IREB2: variants seen among roughly 807,000 people sequenced by gnomAD.
The protein encoded by IREB2 is iron-responsive element-binding protein 2.
A neutral mutation model predicts 118.8 loss-of-function variants in IREB2; 39 were observed. The ratio of observed to expected loss-of-function variants is 0.33; its 90% CI spans 0.25 to 0.43. IREB2 has a LOEUF of 0.43. Among genes scored for constraint, IREB2 ranks in the 20% least tolerant of loss-of-function variants. IREB2 has a pLI of 1.00. For missense variants in IREB2, 900 were observed against 1,147.3 expected (o/e 0.78, Z 3.11); for synonymous variants, 372 against 392.2 (o/e 0.95, Z 0.61).
intron 16 of IREB2, among the ~76,000 whole-genome samples, chr15:78,490,096 CA>C (rs2051724112): frequency 1.3e-5 from 2 of 152,020 alleles, no homozygotes; most frequent in African/African-American, 4.8e-5. Context: ...TCATTCTGTC[CA>C]AAAACATCAT....
chr15:78,458,055 A>C (rs1263023652), intron 2 of IREB2, among the ~76,000 whole-genome samples: 1 of 152,146 alleles, frequency 6.6e-6, no homozygotes, highest in Non-Finnish European at 1.5e-5. Context: ...GATATTCTTC[A>C]CATCTCTGTT....
intron 20 of IREB2, among the ~76,000 whole-genome samples, chr15:78,496,529 T>C (rs1257413175): frequency 6.6e-6 from 1 of 152,078 alleles, no homozygotes; most frequent in Non-Finnish European, 1.5e-5. Flanking sequence ...CGGCCTCCCA[T>C]AGTGCTGGCA....
intron 12 of IREB2, 93 bp downstream of exon 12, chr15:78,485,013 G>GC: frequency 8.8e-7 from 1 of 1,139,882 alleles, no homozygotes; most frequent in South Asian, 1.6e-5. Flanking sequence ...TGATGCATGA[G>GC]TGTCTACATT....
chr15:78,466,752 C>T (rs535128746), intron 5 of IREB2, among the ~76,000 whole-genome samples: 25 of 152,124 alleles, frequency 1.6e-4, no homozygotes, highest in African/African-American at 4.1e-4. Flanking sequence ...ATCTTTTTGA[C>T]GACTGTAAGC....
chr15:78,472,124 A>G, intron 7 of IREB2, among the ~76,000 whole-genome samples, 200 bp downstream of exon 7: 1 of 152,238 alleles, frequency 6.6e-6, no homozygotes, highest in South Asian at 2.1e-4. Flanking sequence ...AGAAATTTAC[A>G]CAGTGTCTAG....
At chr15:78,490,934 G>T (rs979912835) in intron 18 of IREB2, among the ~76,000 whole-genome samples, 173 bp downstream of exon 18, 1 of 151,828 alleles carries the variant, frequency 6.6e-6, no homozygotes, top group Admixed American at 6.6e-5. Context: ...GGAGGCGGGG[G>T]GTACCTTCTG....
At chr15:78,452,171 G>A (rs757040951) in intron 2 of IREB2, among the ~76,000 whole-genome samples, 10 of 152,148 alleles carry the variant, frequency 6.6e-5, no homozygotes, top group Non-Finnish European at 1.2e-4. Context: ...ACAAAAAGAT[G>A]TAGGAGAGAG....
chr15:78,476,030 C>T (rs2051463632), intron 8 of IREB2, 158 bp from the exon 9 acceptor site: 3 of 485,320 alleles, frequency 6.2e-6, no homozygotes, highest in Non-Finnish European at 7.2e-6. Flanking sequence ...TTAAAATACC[C>T]CCAAAACCAG....
chr15:78,441,420 T>G (rs967602223), intron 2 of IREB2, among the ~76,000 whole-genome samples: 5 of 152,228 alleles, frequency 3.3e-5, no homozygotes, highest in African/African-American at 4.8e-5. Context: ...AGATTGATCG[T>G]TTACAAGAAT....
chr15:78,462,082 A>G (rs2051206577), intron 2 of IREB2, among the ~76,000 whole-genome samples: 1 of 152,172 alleles, frequency 6.6e-6, no homozygotes, highest in Non-Finnish European at 1.5e-5. Context: ...TTTTAAAATA[A>G]TATATTATGG....
intron 10 of IREB2, among the ~76,000 whole-genome samples, chr15:78,481,291 T>A (rs1358971026): frequency 6.6e-6 from 1 of 151,944 alleles, no homozygotes; most frequent in Non-Finnish European, 1.5e-5. Flanking sequence ...CAACCTCCAT[T>A]TCCTGGGTTG....
At chr15:78,488,376 T>G in intron 15 of IREB2, 40 bp downstream of exon 15, 1 of 1,472,822 alleles carries the variant, frequency 6.8e-7, no homozygotes, top group Non-Finnish European at 9.1e-7. Flanking sequence ...TACACATACT[T>G]TTCCCAATGG....
intron 2 of IREB2, among the ~76,000 whole-genome samples, chr15:78,445,483 C>G (rs181232298): frequency 1.3e-5 from 2 of 152,288 alleles, no homozygotes; most frequent in Non-Finnish European, 2.9e-5. Flanking sequence ...AAAACTCACT[C>G]AAGTAAAAAA....
chr15:78,497,017 A>G, intron 20 of IREB2, 109 bp from the exon 21 acceptor site: 3 of 716,430 alleles, frequency 4.2e-6, no homozygotes, highest in Non-Finnish European at 7.3e-6. Flanking sequence ...ATGAGATATT[A>G]GACTAAAAGT....
At chr15:78,462,857 G>A (rs2051219247) in intron 2 of IREB2, 65 bp from the exon 3 acceptor site, 1 of 1,251,972 alleles carries the variant, frequency 8.0e-7, no homozygotes, top group Non-Finnish European at 1.1e-6. Context: ...TTTTGCTATG[G>A]CATTTTAAAA....
At chr15:78,464,193 G>A (rs1005101066) in intron 3 of IREB2, among the ~76,000 whole-genome samples, 4 of 152,174 alleles carry the variant, frequency 2.6e-5, no homozygotes, top group African/African-American at 9.7e-5. Context: ...ACAGTAGATG[G>A]AGTGACTTGG....
Position 78,488,741 on chromosome 15 carries a change from C to T in IREB2, c.2046C>T (p.Ser682=), listed in dbSNP as rs1167842252. 1.3e-6 allele frequency: 2 copies of T among 1,550,736 alleles called. No individual in the cohort carries two copies. The highest frequency in any genetic ancestry group is 8.9e-7 in the Non-Finnish European group (1 of 1,124,902). The change falls in exon 16 of 22, where the codon TCC becomes TCT. Residue 682 remains serine (S), a synonymous_variant. Transcript: ENST00000258886. ...HRVEEEHVIL[S]MFKALKDKIE... ...TAGAGGAAGAACATGTTATACTATCCATGTTTAAAGCATTAAAAGATAAAA... is the reference window on the plus strand; with the variant it reads ...TAGAGGAAGAACATGTTATACTATCTATGTTTAAAGCATTAAAAGATAAAA...
In IREB2 at chr15:78,498,640, G is replaced by A. The variant is rs916939966; in HGVS notation, c.*497G>A. The A allele has an allele frequency of 1.6e-4, 25 of 152,920 alleles. No homozygotes were observed. The highest frequency in any genetic ancestry group is 6.0e-4 in the African/African-American group (25 of 41,422). 9.5% of individuals were successfully genotyped at this position (152,920 alleles called of 1,614,324 possible). ...TATATTAATTCCTCTTCAGAATTGA[G>A]CTGGACACATTTGGCATTCTTAGTT... On this transcript the variant is annotated 3_prime_UTR_variant, in exon 22 of 22. Coordinates refer to ENST00000258886, the MANE Select transcript of IREB2 (RefSeq NM_004136.4).
In IREB2 at chr15:78,500,724, G is replaced by A. The variant is rs2051929458; in HGVS notation, c.*2581G>A. 1 of 152,002 alleles carries A rather than the reference G, an allele frequency of 6.6e-6. No homozygotes were observed. 9.4% of individuals were successfully genotyped at this position (152,002 alleles called of 1,614,324 possible). A position where few individuals can be genotyped will look rare whatever the true frequency, so the allele number is the denominator to read the frequency against. On this transcript the variant is annotated 3_prime_UTR_variant, in exon 22 of 22. Coordinates refer to ENST00000258886, the MANE Select transcript of IREB2 (RefSeq NM_004136.4). ...GGGGTTTTGCTACTCTTATACAATG[G>A]AATCAATGGAAATGTCATCCAGCCA...
Sources: gnomAD v4.1 joint callset for allele counts (sites outside exome capture counted in the v4.1 genomes callset) on GRCh38, gnomAD v4.1.1 for gene constraint, MANE v1.5 for transcripts, NCBI Gene and HGNC (gene_info 2026-07-23, HGNC 2026-07-21) for gene names.